Variants in KCTD10 observed in about 807,000 individuals in gnomAD.
KCTD10 encodes potassium channel tetramerization domain containing 10, also known as BTB/POZ domain-containing adapter for CUL3-mediated RhoA degradation protein 3.
A neutral mutation model predicts 34.6 loss-of-function variants in KCTD10; 13 were observed. The ratio of observed to expected loss-of-function variants is 0.38; its 90% CI spans 0.24 to 0.60. KCTD10 has a LOEUF of 0.60. Among genes scored for constraint, KCTD10 ranks in the 20% least tolerant of loss-of-function variants. The pLI is 0.66. For synonymous variants in KCTD10, 156 were observed against 168.8 expected, an observed-to-expected ratio of 0.92 and a Z score of 0.59; for missense variants, 256 against 420.3, an observed-to-expected ratio of 0.61 and a Z score of 3.42.
intron 2 of KCTD10, among the ~76,000 whole-genome samples, chr12:109,461,088 C>T (rs1384188296): frequency 6.6e-6 from 1 of 152,212 alleles, no homozygotes; most frequent in Non-Finnish European, 1.5e-5. Context: ...CTGAAGTACC[C>T]TCAAATATCC....
At chr12:109,452,861 T>C (rs1167038683) in intron 6 of KCTD10, among the ~76,000 whole-genome samples, 2 of 151,542 alleles carry the variant, frequency 1.3e-5, no homozygotes, top group Non-Finnish European at 2.9e-5. Context: ...TTTTAAAAGA[T>C]ATGGGATCTG....
chr12:109,472,577 G>C (rs914116499), intron 1 of KCTD10, among the ~76,000 whole-genome samples: 2 of 151,856 alleles, frequency 1.3e-5, no homozygotes, highest in East Asian at 3.9e-4. Flanking sequence ...ATTAACCAGT[G>C]ATATATCTAT....
At chr12:109,468,889 T>C (rs530639529) in intron 2 of KCTD10, among the ~76,000 whole-genome samples, 19 of 152,192 alleles carry the variant, frequency 1.2e-4, no homozygotes, top group African/African-American at 4.1e-4. Flanking sequence ...CCTGACCTCG[T>C]GATCCGCCCG....
chr12:109,455,189 GAAC>G (rs1872956157), intron 6 of KCTD10, among the ~76,000 whole-genome samples: 1 of 152,102 alleles, frequency 6.6e-6, no homozygotes, highest in South Asian at 2.1e-4. Context: ...GCTACCTTAA[GAAC>G]AATATCTATT....
chr12:109,467,296 C>T (rs1396690661), intron 2 of KCTD10, among the ~76,000 whole-genome samples: 1 of 152,238 alleles, frequency 6.6e-6, no homozygotes, highest in African/African-American at 2.4e-5. Flanking sequence ...GTATCCACCC[C>T]TCGAAGGGTT....
At chr12:109,464,047 G>A (rs959263453) in intron 2 of KCTD10, among the ~76,000 whole-genome samples, 13 of 152,210 alleles carry the variant, frequency 8.5e-5, no homozygotes, top group Admixed American at 2.6e-4. Flanking sequence ...CCTCCTCCCC[G>A]CCCCGTGAGC....
In KCTD10 at chr12:109,471,952, A is replaced by G. The variant is rs1449534120; in HGVS notation, c.4-2224T>C. Among the ~76,000 whole-genome samples, 3 of 152,180 alleles carry G rather than the reference A, an allele frequency of 2.0e-5. No homozygotes were observed. The East Asian group carries it at 5.8e-4, about 29-fold the overall frequency. Reference sequence around the variant, plus strand: ...ATATGAAGGATTTTTTTCTAATGGCATACTTGTATAGGACACTTACCATGA... The same window carrying G: ...ATATGAAGGATTTTTTTCTAATGGCGTACTTGTATAGGACACTTACCATGA... On this transcript the variant is annotated intron_variant, in intron 1 of 6. Coordinates refer to ENST00000228495, the MANE Select transcript of KCTD10 (RefSeq NM_031954.5).
At chr12:109,452,620 C>G (rs553989688) in intron 6 of KCTD10, among the ~76,000 whole-genome samples, 8 of 152,348 alleles carry the variant, frequency 5.3e-5, no homozygotes, top group Non-Finnish European at 1.2e-4. Context: ...CACACAGCAG[C>G]TAACTGTGGA....
chr12:109,456,091 T>G, intron 6 of KCTD10, 27 bp downstream of exon 6: 1 of 1,611,906 alleles, frequency 6.2e-7, no homozygotes. Context: ...GAACAGCCAC[T>G]CCAAACTGTC....
rs1184350965 is a variant in KCTD10 at position 109,451,731 on chromosome 12, T to C, written c.806A>G (p.Asn269Ser). Reference sequence around the variant, plus strand: ...CCCGCCTGTGGCCTCCAGGAGCGCATTGTCAGGTCCCCGGCCATCCTGGGC... The same window carrying C: ...CCCGCCTGTGGCCTCCAGGAGCGCACTGTCAGGTCCCCGGCCATCCTGGGC... ...YEAQDGRGPD[N>S]ALLEATGGAA... The change falls in exon 7 of 7, where the codon AAT becomes AGT. Residue 269 changes from asparagine to serine, a missense_variant. This residue lies in a region of KCTD10 where 60 missense variants were observed against 89.0 expected (regional missense o/e 0.67). Coordinates refer to ENST00000228495, the MANE Select transcript of KCTD10 (RefSeq NM_031954.5). This position sits in a 1 kb window ranked among gnomAD's most constrained non-coding sequence, Gnocchi z 5.0. 5 of 1,614,146 alleles carry C rather than the reference T, an allele frequency of 3.1e-6. No homozygotes were observed. Among genetic ancestry groups the C allele is most frequent in the South Asian group, 2.2e-5 (2 of 91,080 alleles).
intron 1 of KCTD10, among the ~76,000 whole-genome samples, chr12:109,473,300 G>A (rs1365438855): frequency 6.6e-6 from 1 of 152,158 alleles, no homozygotes; most frequent in Non-Finnish European, 1.5e-5. Context: ...GAGGTAAAGT[G>A]TGGCTAAGGG....
At chr12:109,461,857 G>A (rs918149247) in intron 2 of KCTD10, among the ~76,000 whole-genome samples, 5 of 152,232 alleles carry the variant, frequency 3.3e-5, no homozygotes, top group African/African-American at 1.2e-4. Context: ...CGCATTACAG[G>A]TGGAAAATGC....
chr12:109,448,829 G>A lies in KCTD10; in HGVS notation c.*2766C>T, dbSNP rs541443384. On this transcript the variant is annotated 3_prime_UTR_variant, in exon 7 of 7. Coordinates refer to ENST00000228495, the MANE Select transcript of KCTD10 (RefSeq NM_031954.5). ...AAAGACAGCACACGCTCCAGAGGGC[G>A]GGCTGAGTGTTGTTCACACTTGGGT... is the stretch of plus-strand genomic sequence containing the variant. 5 of 152,296 alleles carry A rather than the reference G, an allele frequency of 3.3e-5. No individual in the cohort carries two copies. The South Asian group carries it at 8.3e-4, about 25-fold the overall frequency. 9.4% of individuals were successfully genotyped at this position (152,296 alleles called of 1,614,324 possible).
Position 109,449,976 on chromosome 12 carries a change from T to G in KCTD10, c.*1619A>C. The G allele has an allele frequency of 3.4e-6, 1 of 290,908 alleles. No individual in the cohort carries two copies. Among genetic ancestry groups the G allele is most frequent in the African/African-American group, 2.2e-5 (1 of 46,332 alleles). 18.0% of individuals were successfully genotyped at this position (290,908 alleles called of 1,614,324 possible). A position where few individuals can be genotyped will look rare whatever the true frequency, so the allele number is the denominator to read the frequency against. On this transcript the variant is annotated 3_prime_UTR_variant, in exon 7 of 7. Transcript: ENST00000228495. ...ACACGATTTTGACATTCAGTCATGA[T>G]TGTTTTAAAGTTTTATTGTAGACTT...
rs533359971 is a variant in KCTD10 at position 109,477,271 on chromosome 12, G to T, written c.-9C>A. On this transcript the variant is annotated 5_prime_UTR_variant, in exon 1 of 7. Coordinates refer to ENST00000228495, the MANE Select transcript of KCTD10 (RefSeq NM_031954.5). ...ACCGCCCTCCCTACCATGAAAAGTC[G>T]GAGGACGCAGGAGTCTCCAAACCCG... The T allele has an allele frequency of 1.2e-6, 2 of 1,613,916 alleles. No individual in the cohort carries two copies. The highest frequency in any genetic ancestry group is 1.7e-5 in the Admixed American group (1 of 59,994).
intron 5 of KCTD10, chr12:109,457,129 T>G (rs1214135340): frequency 6.4e-6 from 1 of 156,050 alleles, no homozygotes; most frequent in Non-Finnish European, 1.4e-5. Flanking sequence ...GAAAACCTCT[T>G]AGGTAATCTC....
intron 6 of KCTD10, among the ~76,000 whole-genome samples, chr12:109,452,833 TGG>T (rs1465549839): frequency 1.5e-5 from 2 of 130,126 alleles, no homozygotes; most frequent in Admixed American, 7.5e-5. Context: ...GAGGAAATCC[TGG>T]TTTTCTTTCC....
At position 109,448,776 on chromosome 12, in the gene KCTD10, C is replaced by G. The variant is rs749696535; in HGVS notation, c.*2819G>C. The G allele has an allele frequency of 6.6e-6, 1 of 152,234 alleles. No homozygotes were observed. The highest frequency in any genetic ancestry group is 1.5e-5 in the Non-Finnish European group (1 of 68,046). 9.4% of individuals were successfully genotyped at this position (152,234 alleles called of 1,614,324 possible). On this transcript the variant is annotated 3_prime_UTR_variant, in exon 7 of 7. Transcript: ENST00000228495. ...ACAGAAAGGTTAATGACACACTTAA[C>G]TGTTACAGTGACTTTGGGTAGGGCC...
In KCTD10 at chr12:109,477,268, G is replaced by A; in HGVS notation, c.-6C>T. The A allele has an allele frequency of 6.2e-7, 1 of 1,613,950 alleles. No individual in the cohort carries two copies. Among genetic ancestry groups the A allele is most frequent in the Non-Finnish European group, 8.5e-7 (1 of 1,179,932 alleles). ...GGCACCGCCCTCCCTACCATGAAAAGTCGGAGGACGCAGGAGTCTCCAAAC... is the reference window on the plus strand; with the variant it reads ...GGCACCGCCCTCCCTACCATGAAAAATCGGAGGACGCAGGAGTCTCCAAAC... On this transcript the variant is annotated 5_prime_UTR_variant, in exon 1 of 7. Coordinates refer to ENST00000228495, the MANE Select transcript of KCTD10 (RefSeq NM_031954.5).
Sources: gnomAD v4.1 joint callset for allele counts (sites outside exome capture counted in the v4.1 genomes callset) on GRCh38, gnomAD v4.1.1 for gene constraint, gnomAD v4.1.1 regional missense constraint, Gnocchi (gnomAD v3.1) non-coding constraint, MANE v1.5 for transcripts, NCBI Gene and HGNC (gene_info 2026-07-23, HGNC 2026-07-21) for gene names.